KTN1: variants seen among roughly 807,000 people sequenced by gnomAD.
KTN1 encodes the protein kinectin.
A neutral mutation model predicts 222.5 loss-of-function variants in KTN1; 130 were observed. The ratio of observed to expected loss-of-function variants is 0.58; its 90% CI spans 0.51 to 0.68. KTN1 has a LOEUF of 0.68. Among genes scored for constraint, KTN1 ranks in the 30% least tolerant of loss-of-function variants. The probability of loss-of-function intolerance (pLI) is 0.00; values close to 1 mark genes in which losing one functional copy is unlikely to be tolerated. For synonymous variants in KTN1, 512 were observed against 496.3 expected (o/e 1.03, Z -0.42); for missense variants, 1,508 against 1,500.4 (o/e 1.01, Z -0.08).
At chr14:55,658,255 T>C (rs1210021493) in intron 29 of KTN1, among the ~76,000 whole-genome samples, 2 of 152,312 alleles carry the variant, frequency 1.3e-5, no homozygotes, top group East Asian at 3.9e-4. Context: ...CCCAAAATGT[T>C]ACTAGAGTTG....
At chr14:55,623,299 G>A (rs149513019) in intron 5 of KTN1, among the ~76,000 whole-genome samples, 45 of 152,384 alleles carry the variant, frequency 3.0e-4, no homozygotes, top group Non-Finnish European at 5.4e-4. Context: ...GAGTAAAAAG[G>A]TAATCAGTAA....
chr14:55,613,391 G>A (rs967025556), intron 2 of KTN1, among the ~76,000 whole-genome samples: 1 of 152,068 alleles, frequency 6.6e-6, no homozygotes, highest in African/African-American at 2.4e-5. Context: ...GAAAATTGGC[G>A]TGGCGATGTG....
chr14:55,590,507 C>T (rs1290092271), intron 1 of KTN1, among the ~76,000 whole-genome samples: 1 of 151,998 alleles, frequency 6.6e-6, no homozygotes, highest in African/African-American at 2.4e-5. Context: ...CTTTATGTCC[C>T]TTCCCACACT....
At chr14:55,615,819 T>TCCTTC (rs567601697) in intron 2 of KTN1, among the ~76,000 whole-genome samples, 8 of 151,928 alleles carry the variant, frequency 5.3e-5, no homozygotes, top group Admixed American at 3.3e-4. Flanking sequence ...TTCCTTCCTT[T>TCCTTC]CCTTCCCTTC....
chr14:55,593,272 T>A (rs906779750), intron 1 of KTN1, among the ~76,000 whole-genome samples: 11 of 152,146 alleles, frequency 7.2e-5, no homozygotes, highest in African/African-American at 2.4e-4. Flanking sequence ...TGAATTCGTG[T>A]TTTTATATGA....
At chr14:55,603,946 T>TTA (rs2036357086) in intron 1 of KTN1, among the ~76,000 whole-genome samples, 1 of 152,180 alleles carries the variant, frequency 6.6e-6, no homozygotes, top group African/African-American at 2.4e-5. Context: ...GGCTCTACCT[T>TTA]TATAAAGTAT....
At chr14:55,637,978 C>G in intron 12 of KTN1, 131 bp downstream of exon 12, 1 of 646,300 alleles carries the variant, frequency 1.5e-6, no homozygotes, top group Non-Finnish European at 2.7e-6. Context: ...AATGATGATC[C>G]TGAGTGCTAA....
At chr14:55,620,578 C>G (rs1410931010) in intron 5 of KTN1, among the ~76,000 whole-genome samples, 1 of 152,214 alleles carries the variant, frequency 6.6e-6, no homozygotes, top group African/African-American at 2.4e-5. Flanking sequence ...ACAGGTTCAA[C>G]ACTACGTTGA....
At chr14:55,637,686 A>G in intron 11 of KTN1, 93 bp from the exon 12 acceptor site, 1 of 855,368 alleles carries the variant, frequency 1.2e-6, no homozygotes, top group Non-Finnish European at 1.8e-6. Flanking sequence ...AAAAAGAAAA[A>G]GATAAACAAA....
intron 18 of KTN1, among the ~76,000 whole-genome samples, chr14:55,644,930 C>A (rs1025096633): frequency 3.3e-5 from 5 of 152,036 alleles, no homozygotes; most frequent in Non-Finnish European, 7.4e-5. Flanking sequence ...AAAAAAAATT[C>A]ATCAAATACT....
intron 4 of KTN1, among the ~76,000 whole-genome samples, chr14:55,618,495 C>T (rs1190501478): frequency 1.3e-5 from 2 of 152,106 alleles, no homozygotes; most frequent in Non-Finnish European, 2.9e-5. Context: ...AGAGTTCCCA[C>T]ATATCCCCTG....
At chr14:55,662,256 G>A (rs1396043036) in intron 32 of KTN1, among the ~76,000 whole-genome samples, 1 of 151,898 alleles carries the variant, frequency 6.6e-6, no homozygotes, top group East Asian at 1.9e-4. Flanking sequence ...TTTTAGTAGA[G>A]GTGGGGTTTT....
intron 3 of KTN1, among the ~76,000 whole-genome samples, chr14:55,617,337 G>T (rs529767568): frequency 1.3e-5 from 2 of 152,306 alleles, no homozygotes; most frequent in South Asian, 4.1e-4. Context: ...GTGGAAGTTT[G>T]TATCTCTAAC....
intron 39 of KTN1, 24 bp downstream of exon 39, chr14:55,673,036 A>T (rs1167533938): frequency 1.1e-5 from 18 of 1,582,252 alleles, no homozygotes; most frequent in Non-Finnish European, 1.6e-5. Flanking sequence ...AATCTTTTCA[A>T]ACTTGCTTCT....
intron 33 of KTN1, among the ~76,000 whole-genome samples, chr14:55,665,114 G>A (rs1372855805): frequency 1.3e-5 from 2 of 151,884 alleles, no homozygotes; most frequent in Non-Finnish European, 2.9e-5. Flanking sequence ...ATTCGAGATA[G>A]CTGAGAGGTA....
chr14:55,676,640 A>G (rs2045910844), intron 41 of KTN1, among the ~76,000 whole-genome samples: 1 of 152,316 alleles, frequency 6.6e-6, no homozygotes, highest in Non-Finnish European at 1.5e-5. Flanking sequence ...TGGTATGAGA[A>G]CATGTATTTC....
chr14:55,679,061 T>C (rs1162503159), intron 42 of KTN1: 1 of 155,250 alleles, frequency 6.4e-6, no homozygotes, highest in African/African-American at 2.4e-5. Flanking sequence ...TTAGCCACTT[T>C]GTGCTTTAGT....
intron 34 of KTN1, 60 bp from the exon 35 acceptor site, chr14:55,670,669 G>A (rs1364776441): frequency 1.6e-6 from 2 of 1,216,028 alleles, no homozygotes; most frequent in Non-Finnish European, 2.3e-6. Context: ...TGTTTCACCT[G>A]TTTTATTTGG....
intron 1 of KTN1, among the ~76,000 whole-genome samples, chr14:55,588,435 C>T (rs979232881): frequency 1.3e-5 from 2 of 152,098 alleles, no homozygotes; most frequent in Non-Finnish European, 1.5e-5. Flanking sequence ...ACTAGTGGCA[C>T]TTGGCATGGG....
Sources: allele counts gnomAD v4.1 joint callset (sites outside exome capture counted in the v4.1 genomes callset), GRCh38; gene constraint gnomAD v4.1.1; transcripts MANE v1.5; gene names NCBI Gene and HGNC (gene_info 2026-07-23, HGNC 2026-07-21).